The following NDUFA8 variants were observed in gnomAD, a reference collection of about 807,000 sequenced individuals.
The protein encoded by NDUFA8 is NADH:ubiquinone oxidoreductase subunit A8.
NDUFA8 carries 16 observed loss-of-function variants against 20.9 expected under a neutral mutation model. The ratio of observed to expected loss-of-function variants is 0.77; its 90% CI spans 0.52 to 1.16. The LOEUF is 1.16. NDUFA8 is among the 50% of genes most tolerant of loss of function. The pLI is 0.00. For synonymous variants in NDUFA8, 70 were observed against 76.1 expected (o/e 0.92, Z 0.41); for missense variants, 202 against 216.4 (o/e 0.93, Z 0.42).
At chr9:122,140,002 T>C (rs1157966560), downstream of NDUFA8, among the ~76,000 whole-genome samples, 1 of 152,222 alleles carries the variant, frequency 6.6e-6, no homozygotes, top group Non-Finnish European at 1.5e-5. Flanking sequence ...CCCAGACCAA[T>C]TAAATCCAAA....
the NDUFA8 span, among the ~76,000 whole-genome samples, chr9:122,136,759 G>T: frequency 6.6e-6 from 1 of 152,178 alleles, no homozygotes; most frequent in African/African-American, 2.4e-5. Flanking sequence ...GTTTCACCAT[G>T]TTGCCCAGGC....
At chr9:122,139,351 AC>A (rs35788532), downstream of NDUFA8, among the ~76,000 whole-genome samples, 73,479 of 151,402 alleles carry the variant, frequency 0.49, 19,240 homozygotes, top group Middle Eastern at 0.64. Flanking sequence ...ACGTTCCCTC[AC>A]CCCCTAGCTA....
At chr9:122,134,410 G>C in the NDUFA8 span, among the ~76,000 whole-genome samples, 3 of 152,100 alleles carry the variant, frequency 2.0e-5, no homozygotes, top group Non-Finnish European at 4.4e-5. Context: ...TCCATAAAAC[G>C]GGAATAACAG....
intron 1 of NDUFA8, among the ~76,000 whole-genome samples, chr9:122,155,448 A>G (rs902832501): frequency 2.6e-5 from 4 of 152,206 alleles, no homozygotes; most frequent in Admixed American, 6.5e-5. Context: ...TGACAAGAGT[A>G]ATTAATCTAT....
At chr9:122,142,180 C>T (rs1325280528), downstream of NDUFA8, among the ~76,000 whole-genome samples, 2 of 152,162 alleles carry the variant, frequency 1.3e-5, no homozygotes, top group African/African-American at 4.8e-5. Flanking sequence ...CAGGACCTAC[C>T]GCAGACCTAC....
intron 1 of NDUFA8, among the ~76,000 whole-genome samples, chr9:122,154,927 CAT>C (rs925795501): frequency 6.6e-6 from 1 of 152,094 alleles, no homozygotes; most frequent in Non-Finnish European, 1.5e-5. Flanking sequence ...ATAAATGTAA[CAT>C]AGAGCATTAA....
At chr9:122,159,536 C>CT in intron 1 of NDUFA8, 91 bp downstream of exon 1, 1 of 1,515,876 alleles carries the variant, frequency 6.6e-7, no homozygotes, top group South Asian at 1.1e-5. Context: ...GGGCCCGGGT[C>CT]CCAGGATCCG....
At chr9:122,150,840 C>T (rs957182065) in intron 2 of NDUFA8, among the ~76,000 whole-genome samples, 5 of 151,758 alleles carry the variant, frequency 3.3e-5, no homozygotes, top group Admixed American at 6.6e-5. Context: ...GGCATAGTGG[C>T]GCAGGCCTGT....
chr9:122,150,523 AACT>A (rs1828978903), intron 2 of NDUFA8, among the ~76,000 whole-genome samples: 1 of 152,034 alleles, frequency 6.6e-6, no homozygotes, highest in African/African-American at 2.4e-5. Context: ...AGGAATTATT[AACT>A]GATGAAAATG....
At chr9:122,137,897 C>T in the NDUFA8 span, among the ~76,000 whole-genome samples, 1 of 152,142 alleles carries the variant, frequency 6.6e-6, no homozygotes, top group East Asian at 1.9e-4. Context: ...CAGACGGAGC[C>T]CAGCATAGCA....
chr9:122,151,232 C>T (rs897837316), intron 2 of NDUFA8, among the ~76,000 whole-genome samples: 5 of 152,048 alleles, frequency 3.3e-5, no homozygotes, highest in African/African-American at 1.2e-4. Flanking sequence ...GCAGTCATTC[C>T]CCATTCTTCC....
chr9:122,158,645 G>A (rs533093226), intron 1 of NDUFA8, among the ~76,000 whole-genome samples: 4 of 150,858 alleles, frequency 2.7e-5, no homozygotes, highest in East Asian at 3.9e-4. Flanking sequence ...ATAACGCTAC[G>A]ACCAATTGTG....
In NDUFA8 at chr9:122,159,610, C is replaced by T; in HGVS notation, c.51+17G>A. ...GCAGCCCCATGTCTCCCTTGCCTGT[C>T]CTCCGGATAGCCTCACCTCATCTAC... On this transcript the variant is annotated intron_variant, in intron 1 of 3. Coordinates refer to ENST00000373768, the MANE Select transcript of NDUFA8 (RefSeq NM_014222.3). 4.3e-6 allele frequency: 7 copies of T among 1,614,130 alleles called. No individual in the cohort carries two copies. Among genetic ancestry groups the T allele is most frequent in the East Asian group, 4.5e-5 (2 of 44,864 alleles).
At chr9:122,143,964 C>A (rs1167412270), downstream of NDUFA8, 13 of 923,036 alleles carry the variant, frequency 1.4e-5, 1 homozygote, top group Non-Finnish European at 1.9e-5. Flanking sequence ...TAAAGCAAAG[C>A]AAGAGGAACA....
chr9:122,153,566 C>T (rs1323138997), intron 1 of NDUFA8, among the ~76,000 whole-genome samples: 1 of 151,450 alleles, frequency 6.6e-6, no homozygotes, highest in Admixed American at 6.6e-5. Flanking sequence ...GTAGATATAG[C>T]CAGCTCAGAG....
chr9:122,148,137 C>T lies in NDUFA8; in HGVS notation c.356G>A (p.Arg119Gln), dbSNP rs746362454. The T allele has an allele frequency of 8.7e-6, 14 of 1,614,130 alleles. No individual in the cohort carries two copies. Among genetic ancestry groups the T allele is most frequent in the Admixed American group, 3.3e-5 (2 of 60,018 alleles). The stretch of plus-strand genomic sequence containing the variant: ...CTTTGACAGTTCTCCCAGGTCAGGC[C>T]GCACCCAGCCCAGTTTGTCCAGCAC... Reference protein sequence around the residue: ...ECVLDKLGWVRPDLGELSKVT... With the variant: ...ECVLDKLGWVQPDLGELSKVT... The change falls in exon 3 of 4, where the codon CGG (arginine) becomes CAG (glutamine). Residue 119 changes from arginine to glutamine, a missense_variant. Transcript: ENST00000373768.
chr9:122,156,970 T>C (rs959665816), intron 1 of NDUFA8, among the ~76,000 whole-genome samples: 13 of 152,340 alleles, frequency 8.5e-5, no homozygotes, highest in East Asian at 7.7e-4. Flanking sequence ...AAATGACAAT[T>C]CTTATTTTAC....
At chr9:122,135,402 CCAGA>C in the NDUFA8 span, among the ~76,000 whole-genome samples, 2 of 152,022 alleles carry the variant, frequency 1.3e-5, no homozygotes, top group African/African-American at 4.8e-5. Context: ...TCATGAGTCA[CCAGA>C]CAGAGTGGCT....
At chr9:122,149,423 C>T (rs1828957088) in intron 2 of NDUFA8, among the ~76,000 whole-genome samples, 1 of 152,174 alleles carries the variant, frequency 6.6e-6, no homozygotes, top group Admixed American at 6.5e-5. Flanking sequence ...TTATATTCCT[C>T]CAAAATGCAG....
Sources: allele counts gnomAD v4.1 joint callset (sites outside exome capture counted in the v4.1 genomes callset), GRCh38; gene constraint gnomAD v4.1.1; transcripts MANE v1.5; gene names NCBI Gene and HGNC (gene_info 2026-07-23, HGNC 2026-07-21).